CA5A: variants seen among roughly 807,000 people sequenced by gnomAD.
CA5A encodes carbonic anhydrase 5A.
CA5A carries 28 observed loss-of-function variants against 37.1 expected under a neutral mutation model. That is an observed-to-expected ratio of 0.75 (90% confidence interval 0.56 to 1.03). The LOEUF (loss-of-function observed/expected upper bound fraction) is 1.03. Among genes scored for constraint, CA5A ranks in the 50% least tolerant of loss-of-function variants. CA5A has a pLI of 0.00. For missense variants in CA5A, 444 were observed against 399.9 expected (o/e 1.11, Z -0.94); for synonymous variants, 171 against 158.4 (o/e 1.08, Z -0.60).
At chr16:87,912,989 G>GT (rs35315484) in intron 2 of CA5A, among the ~76,000 whole-genome samples, 21,883 of 146,284 alleles carry the variant, frequency 0.15, 1,796 homozygotes, top group South Asian at 0.25. Context: ...CCGCAACATG[G>GT]TTTTTTTTTT....
At chr16:87,912,448 A>G (rs2144002596) in intron 2 of CA5A, among the ~76,000 whole-genome samples, 1 of 152,382 alleles carries the variant, frequency 6.6e-6, no homozygotes, top group South Asian at 2.1e-4. Flanking sequence ...CGAAAGATAA[A>G]TATGTCTTAA....
intron 2 of CA5A, among the ~76,000 whole-genome samples, chr16:87,908,952 T>C (rs1035256424): frequency 6.6e-6 from 1 of 151,716 alleles, no homozygotes; most frequent in Non-Finnish European, 1.5e-5. Context: ...GCCTCCCAAG[T>C]AGCTGGGACT....
chr16:87,920,483 T>C (rs1780873039), intron 2 of CA5A, among the ~76,000 whole-genome samples: 1 of 151,964 alleles, frequency 6.6e-6, no homozygotes, highest in South Asian at 2.1e-4. Flanking sequence ...CTAATTTTTG[T>C]ATTTTTAGTA....
At chr16:87,904,750 T>C in intron 3 of CA5A, 36 bp downstream of exon 3, 3 of 1,227,922 alleles carry the variant, frequency 2.4e-6, no homozygotes, top group East Asian at 2.3e-5. Flanking sequence ...ACATGGAAAG[T>C]GTGCAGATAT....
intron 6 of CA5A, among the ~76,000 whole-genome samples, chr16:87,891,590 G>A (rs1351122361): frequency 1.3e-5 from 2 of 152,310 alleles, no homozygotes; most frequent in South Asian, 4.1e-4. Flanking sequence ...CGTTGCTCAG[G>A]ACATGCTTGC....
chr16:87,917,706 C>G (rs1369648708), intron 2 of CA5A, among the ~76,000 whole-genome samples: 1 of 62,542 alleles, frequency 1.6e-5, no homozygotes, highest in South Asian at 3.1e-4. Flanking sequence ...CGCACACGAA[C>G]ACACACATGA....
In CA5A at chr16:87,902,468, A is replaced by G. The variant is rs2143950598; in HGVS notation, c.512T>C (p.Val171Ala). The G allele has an allele frequency of 6.2e-7, 1 of 1,612,810 alleles. No homozygotes were observed. The highest frequency in any genetic ancestry group is 1.1e-5 in the South Asian group (1 of 91,052). ...CACAGCCAAACCATTCTCTCCCACG[A>G]CAGCTTCCTTGTAATTTTGGTATTT... Reference protein sequence around the residue: ...SVKYQNYKEAVVGENGLAVIG... With the variant: ...SVKYQNYKEAAVGENGLAVIG... The change falls in exon 4 of 7, where the codon GTC (valine) becomes GCC (alanine). Residue 171 changes from valine (V) to alanine (A), a missense_variant. Physicochemically the swap from Val to Ala is moderately conservative, Grantham distance 64. Coordinates refer to ENST00000649794, the MANE Select transcript of CA5A (RefSeq NM_001739.2).
At chr16:87,922,188 G>A (rs576561136) in intron 2 of CA5A, among the ~76,000 whole-genome samples, 1 of 152,234 alleles carries the variant, frequency 6.6e-6, no homozygotes, top group African/African-American at 2.4e-5. Context: ...TGGTGTGTGA[G>A]AACTGTTTGT....
chr16:87,913,776 G>C (rs1477541646), intron 2 of CA5A, among the ~76,000 whole-genome samples: 1 of 152,110 alleles, frequency 6.6e-6, no homozygotes, highest in Non-Finnish European at 1.5e-5. Flanking sequence ...CACACACCTG[G>C]GGAGCGTAGC....
At chr16:87,919,854 C>A (rs1215602430) in intron 2 of CA5A, among the ~76,000 whole-genome samples, 1 of 152,156 alleles carries the variant, frequency 6.6e-6, no homozygotes, top group South Asian at 2.1e-4. Context: ...CTTTGCAAAT[C>A]TCTTCCCAAC....
intron 5 of CA5A, among the ~76,000 whole-genome samples, chr16:87,896,534 A>C (rs187670228): frequency 4.6e-4 from 70 of 152,358 alleles, no homozygotes; most frequent in African/African-American, 1.7e-3. Flanking sequence ...ATGAGGCTGA[A>C]GACCATCACA....
chr16:87,922,460 A>C (rs1378814113), intron 2 of CA5A, among the ~76,000 whole-genome samples: 1 of 152,234 alleles, frequency 6.6e-6, no homozygotes. Flanking sequence ...ATACAGAAAC[A>C]TCTAGATTCC....
chr16:87,899,448 A>G (rs1241195072), intron 5 of CA5A, among the ~76,000 whole-genome samples: 7 of 149,622 alleles, frequency 4.7e-5, no homozygotes, highest in Middle Eastern at 3.5e-3. Context: ...GATTACAGGC[A>G]CCCGCCACCA....
At chr16:87,924,200 A>G (rs1020539913) in intron 2 of CA5A, 2 of 985,320 alleles carry the variant, frequency 2.0e-6, no homozygotes, top group African/African-American at 3.5e-5. Flanking sequence ...CACTTTGCTT[A>G]CGTTGGCTGG....
chr16:87,886,707 C>T (rs1299260089), downstream of CA5A: 2 of 152,000 alleles, frequency 1.3e-5, no homozygotes, highest in Non-Finnish European at 2.9e-5. Context: ...ATTGATCGAT[C>T]AATCAATAGA....
At chr16:87,893,408 T>C (rs567999339) in intron 5 of CA5A, 1 of 482,794 alleles carries the variant, frequency 2.1e-6, no homozygotes, top group South Asian at 1.6e-5. Context: ...ATTACAGGCG[T>C]GAGCCACCAC....
At chr16:87,909,909 A>G (rs889325950) in intron 2 of CA5A, among the ~76,000 whole-genome samples, 8 of 152,146 alleles carry the variant, frequency 5.3e-5, no homozygotes, top group African/African-American at 9.6e-5. Flanking sequence ...AGCTGGGGCC[A>G]CCACTCCCAA....
chr16:87,936,220 G>A (rs568619927), intron 1 of CA5A, 89 bp downstream of exon 1: 69 of 860,024 alleles, frequency 8.0e-5, no homozygotes, highest in South Asian at 2.3e-4. Flanking sequence ...CATCTGGCTC[G>A]GGACGGTCTC....
intron 1 of CA5A, among the ~76,000 whole-genome samples, chr16:87,927,692 C>T (rs1210396945): frequency 6.6e-6 from 1 of 152,016 alleles, no homozygotes; most frequent in East Asian, 1.9e-4. Flanking sequence ...AAAACCCCAT[C>T]ATTATTGAAA....
Sources: allele counts gnomAD v4.1 joint callset (sites outside exome capture counted in the v4.1 genomes callset), GRCh38; gene constraint gnomAD v4.1.1; transcripts MANE v1.5; gene names NCBI Gene and HGNC (gene_info 2026-07-23, HGNC 2026-07-21).